CACNG8: variants seen among roughly 807,000 people sequenced by gnomAD.
The protein encoded by CACNG8 is calcium voltage-gated channel auxiliary subunit gamma 8.
A neutral mutation model predicts 26.9 loss-of-function variants in CACNG8; 5 were observed. The observed-to-expected ratio is 0.19, with a 90% confidence interval of 0.10 to 0.39. CACNG8 has a LOEUF of 0.39. Ranked by LOEUF, CACNG8 falls within the 10% of genes least tolerant of loss-of-function variation. The probability of loss-of-function intolerance (pLI) is 1.00; values close to 1 mark genes in which losing one functional copy is unlikely to be tolerated. For missense variants in CACNG8, 473 were observed against 609.4 expected (o/e 0.78, Z 2.36); for synonymous variants, 321 against 296.7 (o/e 1.08, Z -0.84).
chr19:53,981,491 G>T (rs1308664456), intron 3 of CACNG8, among the ~76,000 whole-genome samples: 1 of 152,084 alleles, frequency 6.6e-6, no homozygotes, highest in Non-Finnish European at 1.5e-5. Context: ...TATGCCATGT[G>T]GGGGCAGCCC....
intron 3 of CACNG8, among the ~76,000 whole-genome samples, chr19:53,981,451 A>T (rs1205708751): frequency 6.6e-6 from 1 of 150,858 alleles, no homozygotes; most frequent in Non-Finnish European, 1.5e-5. Flanking sequence ...AGACCAGCAG[A>T]GTTGGGACCT....
chr19:53,971,356 G>A (rs1362192230), intron 1 of CACNG8, among the ~76,000 whole-genome samples: 1 of 151,750 alleles, frequency 6.6e-6, no homozygotes, highest in African/African-American at 2.4e-5. Context: ...AAAGGAACAG[G>A]TACCCAGCAT....
At chr19:53,968,095 T>C (rs982851260) in intron 1 of CACNG8, among the ~76,000 whole-genome samples, 1 of 150,190 alleles carries the variant, frequency 6.7e-6, no homozygotes, top group African/African-American at 2.5e-5. Flanking sequence ...GAAGAGACAG[T>C]TGGGTGCAGT....
At chr19:53,975,883 C>T (rs1487807930) in intron 1 of CACNG8, among the ~76,000 whole-genome samples, 1 of 152,220 alleles carries the variant, frequency 6.6e-6, no homozygotes, top group Non-Finnish European at 1.5e-5. Flanking sequence ...TGCTATACAT[C>T]AGCTGCTATC....
At chr19:53,969,603 A>G (rs1285946314) in intron 1 of CACNG8, among the ~76,000 whole-genome samples, 2 of 152,010 alleles carry the variant, frequency 1.3e-5, no homozygotes, top group African/African-American at 4.8e-5. Context: ...TTTCTAGGAG[A>G]ATGAAGCAAC....
chr19:53,977,457 G>A (rs1379829113), intron 1 of CACNG8, among the ~76,000 whole-genome samples: 1 of 152,128 alleles, frequency 6.6e-6, no homozygotes, highest in Non-Finnish European at 1.5e-5. Context: ...ATCTTAGGAG[G>A]GGAAGGAGAT....
At chr19:53,971,683 G>A (rs2069303385) in intron 1 of CACNG8, among the ~76,000 whole-genome samples, 1 of 152,186 alleles carries the variant, frequency 6.6e-6, no homozygotes, top group Non-Finnish European at 1.5e-5. Flanking sequence ...ACTTTGCCCT[G>A]CTTATTATCT....
Position 53,978,143 on chromosome 19 carries a change from C to T in CACNG8, c.284-3C>T, listed in dbSNP as rs1255821604. 6.2e-7 allele frequency: 1 copy of T among 1,611,346 alleles called. No individual in the cohort carries two copies. The highest frequency in any genetic ancestry group is 1.7e-5 in the Admixed American group (1 of 59,792). On this transcript the variant is annotated splice_polypyrimidine_tract_variant and splice_region_variant and intron_variant, in intron 1 of 3. Transcript: ENST00000270458. ...CCCACCACTGCCCTCCCCGCTCCTC[C>T]AGGGTTGAAAAGAGGCGTCTGCGTG...
intron 2 of CACNG8, 149 bp from the exon 3 acceptor site, chr19:53,979,718 A>C: frequency 1.5e-6 from 1 of 673,438 alleles, no homozygotes; most frequent in Non-Finnish European, 2.2e-6. Flanking sequence ...GAATGAGGCA[A>C]CAGTAAAATA....
chr19:53,966,378 A>T (rs973846195), intron 1 of CACNG8, among the ~76,000 whole-genome samples: 1 of 151,766 alleles, frequency 6.6e-6, no homozygotes, highest in Non-Finnish European at 1.5e-5. Context: ...GTGAGCCACC[A>T]TGCCTGGCCA....
In CACNG8 at chr19:53,989,844, C is replaced by G. The variant is rs920986162; in HGVS notation, c.*6995C>G. On this transcript the variant is annotated 3_prime_UTR_variant, in exon 4 of 4. Transcript: ENST00000270458. ...GAGCTGAGGATGCCAAGGTGAATTCCTCCTGTGCCTGGCCCCGGCCCCAGT... is the reference window on the plus strand; with the variant it reads ...GAGCTGAGGATGCCAAGGTGAATTCGTCCTGTGCCTGGCCCCGGCCCCAGT... 11 of 152,480 alleles carry G rather than the reference C, an allele frequency of 7.2e-5. No individual in the cohort carries two copies. The highest frequency in any genetic ancestry group is 2.7e-4 in the African/African-American group (11 of 41,444). The allele number at this position is 152,480 out of a possible 1,614,324, so 9.4% of individuals were successfully genotyped here.
At position 53,985,154 on chromosome 19, in the gene CACNG8, G is replaced by C. The variant is rs893293027; in HGVS notation, c.*2305G>C. On this transcript the variant is annotated 3_prime_UTR_variant, in exon 4 of 4. Transcript: ENST00000270458. ...ATTTGCTCAGCAAGTGTTTCCTGAGGCCTCCCCCGAAGCCTTGTGCTGGGC... is the reference window on the plus strand; with the variant it reads ...ATTTGCTCAGCAAGTGTTTCCTGAGCCCTCCCCCGAAGCCTTGTGCTGGGC... The C allele has an allele frequency of 3.3e-5, 5 of 152,188 alleles. No homozygotes were observed. The highest frequency in any genetic ancestry group is 1.2e-4 in the African/African-American group (5 of 41,404). The allele number at this position is 152,188 out of a possible 1,614,324, so 9.4% of individuals were successfully genotyped here.
chr19:53,985,066 G>T lies in CACNG8; in HGVS notation c.*2217G>T, dbSNP rs550022740. 1.3e-5 allele frequency: 2 copies of T among 152,550 alleles called. No homozygotes were observed. The highest frequency in any genetic ancestry group is 2.1e-4 in the South Asian group (1 of 4,828). The allele number at this position is 152,550 out of a possible 1,614,324, so 9.4% of individuals were successfully genotyped here. A position where few individuals can be genotyped will look rare whatever the true frequency, so the allele number is the denominator to read the frequency against. On this transcript the variant is annotated 3_prime_UTR_variant, in exon 4 of 4. Transcript: ENST00000270458. ...GGCAAGGGCTGTGCGGTGATTGGAGGGGATGGGTTTGAAGTTCACTGAGAA... is the reference window on the plus strand; with the variant it reads ...GGCAAGGGCTGTGCGGTGATTGGAGTGGATGGGTTTGAAGTTCACTGAGAA...
In CACNG8 at chr19:53,985,938, G is replaced by GAGAA. The variant is rs2069404775; in HGVS notation, c.*3092_*3093insAAGA. On this transcript the variant is annotated 3_prime_UTR_variant, in exon 4 of 4. Transcript: ENST00000270458. ...CTAGAGTCTGAAGGCCAAACAGAAC[G>GAGAA]AGAGAGAGAGAGAGAGAGAGAGAAA... 1 of 12,298 alleles carries GAGAA rather than the reference G, an allele frequency of 8.1e-5. No homozygotes were observed. Among genetic ancestry groups the GAGAA allele is most frequent in the African/African-American group, 4.0e-4 (1 of 2,480 alleles). The allele number at this position is 12,298 out of a possible 1,614,324, so 0.8% of individuals were successfully genotyped here.
rs1193327930 is a variant in CACNG8, at chr19:53,982,154, GAGA to G, written c.588_590del (p.Lys197del). ...CGAGCCGGGCCCGAAGCGGGACGAG[GAGA>G]AGAAAAACCACTACTCGTACGGCTG... On this transcript the variant is annotated inframe_deletion, in exon 4 of 4. Coordinates refer to ENST00000270458, the MANE Select transcript of CACNG8 (RefSeq NM_031895.6). This position sits in a 1 kb window ranked among gnomAD's most constrained non-coding sequence, Gnocchi z 8.4. 1 of 1,612,804 alleles carries G rather than the reference GAGA, an allele frequency of 6.2e-7. No homozygotes were observed. The highest frequency in any genetic ancestry group is 8.5e-7 in the Non-Finnish European group (1 of 1,179,480).
intron 1 of CACNG8, among the ~76,000 whole-genome samples, chr19:53,974,327 A>G (rs777451192): frequency 4.3e-4 from 65 of 152,332 alleles, no homozygotes; most frequent in Middle Eastern, 6.8e-3. Flanking sequence ...CATTGTATGT[A>G]CATAGCACAT....
At chr19:53,977,599 C>G (rs181173591) in intron 1 of CACNG8, among the ~76,000 whole-genome samples, 332 of 152,306 alleles carry the variant, frequency 2.2e-3, no homozygotes, top group Non-Finnish European at 3.8e-3. Flanking sequence ...CCCATCCCCA[C>G]AGGACTAGAG....
Position 53,982,545 on chromosome 19 carries a change from C to CCGG in CACNG8, c.992_994dup (p.Gly331dup), listed in dbSNP as rs769981108. 7.6e-4 allele frequency: 925 copies of CCGG among 1,216,168 alleles called. 4 individuals carry two copies. Among genetic ancestry groups the CCGG allele is most frequent in the South Asian group, 6.7e-3 (179 of 26,828 alleles). The allele number at this position is 1,216,168 out of a possible 1,614,324, so 75.3% of individuals were successfully genotyped here. On this transcript the variant is annotated inframe_insertion, in exon 4 of 4. Coordinates refer to ENST00000270458, the MANE Select transcript of CACNG8 (RefSeq NM_031895.6). This position sits in a 1 kb window ranked among gnomAD's most constrained non-coding sequence, Gnocchi z 8.4. ...AGCGTGGCCGCGGGGCTGGCGGGGG[C>CCGG]CGGCGGCGGCGGCGGCGGCGCCGTG...
chr19:53,980,980 TGGACCTGAGACCGGCAA>T (rs1356099312), intron 3 of CACNG8, among the ~76,000 whole-genome samples: 5 of 151,844 alleles, frequency 3.3e-5, no homozygotes, highest in East Asian at 3.9e-4. Flanking sequence ...CCGGAGTAGC[TGGACCTGAGACCGGCAA>T]GGACCCGAGA....
Sources: allele counts gnomAD v4.1 joint callset (sites outside exome capture counted in the v4.1 genomes callset), GRCh38; gene constraint gnomAD v4.1.1; non-coding constraint Gnocchi (gnomAD v3.1); transcripts MANE v1.5; gene names NCBI Gene and HGNC (gene_info 2026-07-23, HGNC 2026-07-21).